ARPC1A: variants seen among roughly 807,000 people sequenced by gnomAD.
The protein encoded by ARPC1A is actin related protein 2/3 complex subunit 1A, also known as actin-related protein 2/3 complex subunit 1A.
Under a neutral mutation model 46.9 loss-of-function variants are expected in ARPC1A, and 8 were observed. That is an observed-to-expected ratio of 0.17 (90% CI 0.10 to 0.31). The LOEUF (loss-of-function observed/expected upper bound fraction) is 0.31, where lower values mean the gene tolerates loss of function less well. Among genes scored for constraint, ARPC1A ranks in the 10% least tolerant of loss-of-function variants. The pLI, the probability that ARPC1A is intolerant of heterozygous loss-of-function variation, is 1.00. For missense variants in ARPC1A, 286 were observed against 483.6 expected (o/e 0.59, Z 3.83); for synonymous variants, 152 against 169.0 (o/e 0.90, Z 0.78).
In ARPC1A at chr7:99,333,411, C is replaced by T. The variant is rs1229874788; in HGVS notation, c.58C>T (p.Arg20Cys). 9 of 1,612,296 alleles carry T rather than the reference C, an allele frequency of 5.6e-6. No homozygotes were observed. Among genetic ancestry groups the T allele is most frequent in the Non-Finnish European group, 7.6e-6 (9 of 1,179,058 alleles). Residue 20 changes from arginine to cysteine, a missense_variant, in exon 2 of 10, where the codon CGT (arginine) becomes TGT (cysteine). By Grantham distance (180) the Arg-to-Cys change is radical. Coordinates refer to ENST00000262942, the MANE Select transcript of ARPC1A (RefSeq NM_006409.4). ...CACCTGTCATGCCTGGAACAGGGAT[C>T]GTACTCGTAAGTATTTTATTAACTT... ...PITCHAWNRDRTQIALSPNNH... is the reference protein window; with the variant it reads ...PITCHAWNRDCTQIALSPNNH...
intron 2 of ARPC1A, among the ~76,000 whole-genome samples, chr7:99,336,481 A>AT (rs757908410): frequency 0.13 from 13,706 of 102,980 alleles, 3,163 homozygotes; most frequent in African/African-American, 0.35. Flanking sequence ...ATAGGTCTTA[A>AT]TTTTTTTTTT....
chr7:99,333,539 C>T lies in ARPC1A; in HGVS notation c.64+122C>T. ...GCAAAGAACATACATCTATTATATA[C>T]ATTCAGAAGGGAACTAAGTCAGTCC... is the stretch of plus-strand genomic sequence containing the variant. On this transcript the variant is annotated intron_variant, in intron 2 of 9. Coordinates refer to ENST00000262942, the MANE Select transcript of ARPC1A (RefSeq NM_006409.4). The T allele has an allele frequency of 6.1e-6, 5 of 820,194 alleles. No homozygotes were observed. In the South Asian group the frequency reaches 8.7e-5, roughly 14 times the overall value. The allele number at this position is 820,194 out of a possible 1,614,324, so 50.8% of individuals were successfully genotyped here.
At chr7:99,353,518 C>T (rs1292105845) in intron 5 of ARPC1A, among the ~76,000 whole-genome samples, 1 of 148,920 alleles carries the variant, frequency 6.7e-6, no homozygotes, top group Non-Finnish European at 1.5e-5. Flanking sequence ...TCTCTTGTTG[C>T]CCAGGCTGGA....
At chr7:99,363,760 C>A in intron 9 of ARPC1A, 127 bp downstream of exon 9, 1 of 659,744 alleles carries the variant, frequency 1.5e-6, no homozygotes, top group Non-Finnish European at 2.5e-6. Context: ...CTGCAGCCAC[C>A]AACTCCTTGC....
At chr7:99,344,048 CTG>C (rs995447440) in intron 3 of ARPC1A, among the ~76,000 whole-genome samples, 1 of 152,272 alleles carries the variant, frequency 6.6e-6, no homozygotes. Context: ...TTTGTAAAGT[CTG>C]TAATTATAAA....
chr7:99,351,282 T>C (rs1218032050), intron 5 of ARPC1A, among the ~76,000 whole-genome samples: 1 of 152,154 alleles, frequency 6.6e-6, no homozygotes, highest in Admixed American at 6.5e-5. Context: ...GGTGTGATCC[T>C]GGCTCACTGC....
intron 1 of ARPC1A, 37 bp from the exon 2 acceptor site, chr7:99,333,288 T>C: frequency 7.4e-7 from 1 of 1,350,792 alleles, no homozygotes; most frequent in Non-Finnish European, 1.1e-6. Flanking sequence ...GCCTTTTCCC[T>C]ATTGTATAAA....
chr7:99,333,418 G>C lies in ARPC1A; in HGVS notation c.64+1G>C, dbSNP rs754138248. On this transcript the variant is annotated splice_donor_variant, in intron 2 of 9. Coordinates refer to ENST00000262942, the MANE Select transcript of ARPC1A (RefSeq NM_006409.4). LOFTEE classifies it high-confidence loss of function. ...CATGCCTGGAACAGGGATCGTACTC[G>C]TAAGTATTTTATTAACTTTGCTTTT... is the stretch of plus-strand genomic sequence containing the variant. The C allele has an allele frequency of 1.2e-6, 2 of 1,611,702 alleles. No individual in the cohort carries two copies. The highest frequency in any genetic ancestry group is 2.2e-5 in the East Asian group (1 of 44,836).
chr7:99,329,891 ATAAGCT>A (rs1366724285), intron 1 of ARPC1A, among the ~76,000 whole-genome samples: 1 of 152,230 alleles, frequency 6.6e-6, no homozygotes, highest in Non-Finnish European at 1.5e-5. Context: ...TAGTTAACAA[ATAAGCT>A]TATCAAATGT....
chr7:99,328,863 A>G (rs570273016), intron 1 of ARPC1A, among the ~76,000 whole-genome samples: 2 of 152,110 alleles, frequency 1.3e-5, no homozygotes, highest in South Asian at 4.1e-4. Flanking sequence ...AAGTGGGAGG[A>G]TGGCTTGACC....
At chr7:99,354,206 G>T (rs1392364926) in intron 6 of ARPC1A, 85 bp downstream of exon 6, 1 of 1,424,994 alleles carries the variant, frequency 7.0e-7, no homozygotes, top group African/African-American at 1.4e-5. Context: ...TTCCTGGGGT[G>T]TTAGCACAGG....
chr7:99,333,405 A>G lies in ARPC1A; in HGVS notation c.52A>G (p.Arg18Gly), dbSNP rs1391822757. Residue 18 changes from arginine (R) to glycine (G), a missense_variant, in exon 2 of 10, where the codon AGG becomes GGG. Physicochemically the swap from Arg to Gly is moderately radical, Grantham distance 125. This residue lies in a region of ARPC1A where 55 missense variants were observed against 59.4 expected (regional missense o/e 0.93). Coordinates refer to ENST00000262942, the MANE Select transcript of ARPC1A (RefSeq NM_006409.4). ...LEPITCHAWN[R>G]DRTQIALSPN... ...GCCAATCACCTGTCATGCCTGGAAC[A>G]GGGATCGTACTCGTAAGTATTTTAT... 6.2e-7 allele frequency: 1 copy of G among 1,613,470 alleles called. No homozygotes were observed. The highest frequency in any genetic ancestry group is 1.3e-5 in the African/African-American group (1 of 74,916).
intron 6 of ARPC1A, among the ~76,000 whole-genome samples, chr7:99,357,383 G>C (rs752480466): frequency 5.9e-5 from 9 of 151,922 alleles, no homozygotes; most frequent in Non-Finnish European, 1.3e-4. Context: ...AATTTAGAGA[G>C]ACACTCTCTG....
intron 1 of ARPC1A, among the ~76,000 whole-genome samples, chr7:99,331,058 C>A (rs979915307): frequency 6.6e-6 from 1 of 152,172 alleles, no homozygotes; most frequent in Non-Finnish European, 1.5e-5. Context: ...CTAGATTCAC[C>A]AGTTAGCATT....
chr7:99,335,136 G>T (rs147642358), intron 2 of ARPC1A, among the ~76,000 whole-genome samples: 1 of 151,784 alleles, frequency 6.6e-6, no homozygotes, highest in African/African-American at 2.4e-5. Flanking sequence ...AAGCCACTGC[G>T]CCCGGCCCAC....
At chr7:99,357,419 C>T (rs1226884742) in intron 6 of ARPC1A, among the ~76,000 whole-genome samples, 1 of 151,904 alleles carries the variant, frequency 6.6e-6, no homozygotes, top group East Asian at 1.9e-4. Context: ...CTCCTGAGCT[C>T]AAGTTCTCCT....
chr7:99,336,778 G>A (rs916119123), intron 2 of ARPC1A, among the ~76,000 whole-genome samples: 2 of 152,064 alleles, frequency 1.3e-5, no homozygotes, highest in East Asian at 3.9e-4. Flanking sequence ...ACAGGCGTGA[G>A]CCACCACGCC....
At chr7:99,352,958 C>G (rs1243357971) in intron 5 of ARPC1A, among the ~76,000 whole-genome samples, 1 of 147,080 alleles carries the variant, frequency 6.8e-6, no homozygotes, top group East Asian at 2.0e-4. Context: ...GAGCAAGACT[C>G]TGTCCCCCAA....
At chr7:99,342,771 G>A (rs1226911736) in intron 3 of ARPC1A, among the ~76,000 whole-genome samples, 1 of 132,476 alleles carries the variant, frequency 7.5e-6, no homozygotes, top group African/African-American at 3.0e-5. Flanking sequence ...CACCCAGGCT[G>A]GAGTGCAGTG....
Sources: gnomAD v4.1 joint callset for allele counts (sites outside exome capture counted in the v4.1 genomes callset) on GRCh38, gnomAD v4.1.1 for gene constraint, gnomAD v4.1.1 regional missense constraint, MANE v1.5 for transcripts, NCBI Gene and HGNC (gene_info 2026-07-23, HGNC 2026-07-21) for gene names.